Variants in GLMN observed in about 807,000 individuals in gnomAD.
The protein encoded by GLMN is glomulin.
Under a neutral mutation model 87.8 loss-of-function variants are expected in GLMN, and 75 were observed. The observed-to-expected ratio is 0.85, with a 90% CI of 0.71 to 1.04. GLMN has a LOEUF of 1.04. Among genes scored for constraint, GLMN ranks in the 50% least tolerant of loss-of-function variants. The pLI, the probability that GLMN is intolerant of heterozygous loss-of-function variation, is 0.00. For synonymous variants in GLMN, 206 were observed against 221.6 expected (o/e 0.93, Z 0.63); for missense variants, 588 against 658.8 (o/e 0.89, Z 1.18).
chr1:92,277,205 A>C (rs1193890571), intron 7 of GLMN, among the ~76,000 whole-genome samples: 1 of 152,210 alleles, frequency 6.6e-6, no homozygotes, highest in East Asian at 1.9e-4. Context: ...AAAAATATCC[A>C]TACATCTATA....
the GLMN span, among the ~76,000 whole-genome samples, chr1:92,306,448 A>T: frequency 2.0e-5 from 3 of 152,246 alleles, no homozygotes; most frequent in Non-Finnish European, 2.9e-5. Context: ...TAGCAAAAAA[A>T]TTAGAAACAA....
At chr1:92,304,381 A>G in the GLMN span, 9 of 1,311,098 alleles carry the variant, frequency 6.9e-6, no homozygotes, top group African/African-American at 3.0e-5. Context: ...GTGGCAATTA[A>G]TTTTTTTTCT....
chr1:92,311,699 G>T, the GLMN span, among the ~76,000 whole-genome samples: 4 of 152,148 alleles, frequency 2.6e-5, no homozygotes, highest in Non-Finnish European at 4.4e-5. Context: ...GATATTGCAG[G>T]TTTGGTTCCA....
intron 16 of GLMN, among the ~76,000 whole-genome samples, chr1:92,261,846 T>C (rs1015539250): frequency 6.6e-6 from 1 of 150,924 alleles, no homozygotes; most frequent in Non-Finnish European, 1.5e-5. Flanking sequence ...GAGGGTGGAG[T>C]GATAGATACA....
At chr1:92,265,482 A>C (rs577462426) in intron 13 of GLMN, among the ~76,000 whole-genome samples, 13 of 152,338 alleles carry the variant, frequency 8.5e-5, no homozygotes, top group African/African-American at 3.1e-4. Flanking sequence ...AAAAGATAGA[A>C]TCAAGAGTGT....
rs117989961 is a variant in GLMN, at chr1:92,277,218, C to T, written c.736-5566G>A. Among the ~76,000 whole-genome samples, 109 of 152,344 alleles carry T rather than the reference C, an allele frequency of 7.2e-4. 2 individuals carry two copies. In the East Asian group the frequency reaches 0.019, roughly 26 times the overall value. ...CAAAAAATATCCATACATCTATACTCAGGCTCCCATCATTGCTTACTTAAC... is the reference window on the plus strand; with the variant it reads ...CAAAAAATATCCATACATCTATACTTAGGCTCCCATCATTGCTTACTTAAC... On this transcript the variant is annotated intron_variant, in intron 7 of 18. Coordinates refer to ENST00000370360, the MANE Select transcript of GLMN (RefSeq NM_053274.3).
chr1:92,278,486 A>T (rs1647570872), intron 7 of GLMN, among the ~76,000 whole-genome samples: 1 of 152,160 alleles, frequency 6.6e-6, no homozygotes, highest in Non-Finnish European at 1.5e-5. Context: ...TTATTCCCAT[A>T]AACTTCTAGC....
the GLMN span, among the ~76,000 whole-genome samples, chr1:92,341,964 T>C: frequency 6.6e-6 from 1 of 152,230 alleles, no homozygotes; most frequent in South Asian, 2.1e-4. Flanking sequence ...TTTTATTCTT[T>C]TGTCATTTTA....
chr1:92,251,989 G>T (rs1273370895), intron 16 of GLMN, among the ~76,000 whole-genome samples: 3 of 151,690 alleles, frequency 2.0e-5, no homozygotes, highest in Non-Finnish European at 4.4e-5. Flanking sequence ...GTAGAGATGG[G>T]GTTTCGCCAT....
the GLMN span, among the ~76,000 whole-genome samples, chr1:92,353,835 G>C: frequency 2.6e-5 from 4 of 152,126 alleles, no homozygotes; most frequent in Non-Finnish European, 5.9e-5. Flanking sequence ...TCAGCCAACA[G>C]AACTATATGG....
the GLMN span, among the ~76,000 whole-genome samples, chr1:92,355,388 C>G: frequency 6.6e-6 from 1 of 151,962 alleles, no homozygotes; most frequent in Non-Finnish European, 1.5e-5. Context: ...AGTACTAATT[C>G]AAGTATGAGG....
At chr1:92,274,529 A>T (rs1018873792) in intron 7 of GLMN, among the ~76,000 whole-genome samples, 1 of 152,076 alleles carries the variant, frequency 6.6e-6, no homozygotes, top group African/African-American at 2.4e-5. Flanking sequence ...TCTCTACCCA[A>T]TTCCTGCTAT....
At chr1:92,293,377 C>T (rs1649650330) in intron 3 of GLMN, among the ~76,000 whole-genome samples, 1 of 152,152 alleles carries the variant, frequency 6.6e-6, no homozygotes. Context: ...GCGATCTCAG[C>T]TCACTGCAAG....
At chr1:92,301,190 A>G (rs955697140), upstream of GLMN, among the ~76,000 whole-genome samples, 42 of 152,296 alleles carry the variant, frequency 2.8e-4, no homozygotes, top group African/African-American at 9.4e-4. Flanking sequence ...CAGCATTAGA[A>G]AACAGAAATT....
Position 92,253,779 on chromosome 1 carries a change from A to C in GLMN, c.1474-5790T>G, listed in dbSNP as rs181361299. 1.0e-3 allele frequency among the ~76,000 whole-genome samples: 155 copies of C among 152,356 alleles called. 1 individual carries two copies. The highest frequency in any genetic ancestry group is 9.3e-4 in the Non-Finnish European group (63 of 68,036). On this transcript the variant is annotated intron_variant, in intron 16 of 18. Coordinates refer to ENST00000370360, the MANE Select transcript of GLMN (RefSeq NM_053274.3). The stretch of plus-strand genomic sequence containing the variant: ...ACTCCACCCAAAGGTCACCAACAGC[A>C]AAGACCAAAGGTAGAAATCCACGAA...
At chr1:92,289,450 A>G (rs1234865671) in intron 5 of GLMN, among the ~76,000 whole-genome samples, 2 of 152,230 alleles carry the variant, frequency 1.3e-5, no homozygotes, top group South Asian at 2.1e-4. Context: ...AGCACAAAAT[A>G]TAAGTGTATT....
At position 92,289,036 on chromosome 1, in the gene GLMN, G is replaced by A. The variant is rs1373580677; in HGVS notation, c.510C>T (p.Asp170=). Residue 170 remains aspartate (D), a synonymous_variant, in exon 6 of 19, where the codon GAC becomes GAT. Coordinates refer to ENST00000370360, the MANE Select transcript of GLMN (RefSeq NM_053274.3). The part of the protein sequence containing the change: ...PYSKEQIQMD[D]YGLCQCCKAL... ...CCTTGCAACACTGACAAAGGCCATA[G>A]TCATCCATTTGTATTTGTTCTTTTG... 6.2e-7 allele frequency: 1 copy of A among 1,606,902 alleles called. No individual in the cohort carries two copies. The highest frequency in any genetic ancestry group is 1.1e-5 in the South Asian group (1 of 90,950).
At chr1:92,256,468 C>T (rs1481361715) in intron 16 of GLMN, among the ~76,000 whole-genome samples, 1 of 152,172 alleles carries the variant, frequency 6.6e-6, no homozygotes, top group East Asian at 1.9e-4. Flanking sequence ...AAATTTCAGG[C>T]CAATATCCCT....
In GLMN at chr1:92,279,665, G is replaced by A. The variant is rs113166540; in HGVS notation, c.735+6825C>T. 7.8e-3 allele frequency among the ~76,000 whole-genome samples: 1,184 copies of A among 152,316 alleles called. 6 individuals carry two copies. The highest frequency in any genetic ancestry group is 0.027 in the African/African-American group (1,135 of 41,580). ...GCAGGGCGGGGCATTGCCTCACCCG[G>A]GAAGTGCGAGGGGTCAGCGAATTTC... is the stretch of plus-strand genomic sequence containing the variant. On this transcript the variant is annotated intron_variant, in intron 7 of 18. Transcript: ENST00000370360.
Sources: gnomAD v4.1 joint callset for allele counts (sites outside exome capture counted in the v4.1 genomes callset) on GRCh38, gnomAD v4.1.1 for gene constraint, MANE v1.5 for transcripts, NCBI Gene and HGNC (gene_info 2026-07-23, HGNC 2026-07-21) for gene names.